Variants in TULP3 observed in about 807,000 individuals in gnomAD.
The protein encoded by TULP3 is TUB like protein 3, also known as tubby-related protein 3.
Under a neutral mutation model 50.7 loss-of-function variants are expected in TULP3, and 38 were observed. That is an observed-to-expected ratio of 0.75 (90% CI 0.58 to 0.98). The LOEUF is 0.98. TULP3 is among the 50% of genes least tolerant of loss of function. The pLI is 0.00. For synonymous variants in TULP3, 183 were observed against 196.6 expected (o/e 0.93, Z 0.58); for missense variants, 550 against 568.0 (o/e 0.97, Z 0.32).
intron 1 of TULP3, among the ~76,000 whole-genome samples, chr12:2,895,035 C>T (rs529768483): frequency 6.6e-6 from 1 of 152,286 alleles, no homozygotes; most frequent in South Asian, 2.1e-4. Flanking sequence ...CTGTTTGAAT[C>T]TACAAGTAAT....
chr12:2,922,461 C>T, intron 4 of TULP3, 59 bp downstream of exon 4: 4 of 1,570,614 alleles, frequency 2.5e-6, no homozygotes, highest in African/African-American at 1.4e-5. Flanking sequence ...TAATCTTTTC[C>T]TTTCTTTTCA....
intron 4 of TULP3, among the ~76,000 whole-genome samples, chr12:2,924,752 G>A (rs2098193721): frequency 6.6e-6 from 1 of 152,062 alleles, no homozygotes; most frequent in Non-Finnish European, 1.5e-5. Context: ...ACTTTGGGAG[G>A]CTGAGGTGGG....
At chr12:2,921,431 A>G (rs1403805770) in intron 3 of TULP3, among the ~76,000 whole-genome samples, 1 of 152,160 alleles carries the variant, frequency 6.6e-6, no homozygotes, top group Non-Finnish European at 1.5e-5. Context: ...TTGAGCCACC[A>G]TGCCCGGCAA....
chr12:2,940,767 C>G lies in TULP3; in HGVS notation c.*1323C>G, dbSNP rs760018494. The G allele has an allele frequency of 4.7e-6, 7 of 1,502,236 alleles. No individual in the cohort carries two copies. The highest frequency in any genetic ancestry group is 1.4e-5 in the African/African-American group (1 of 72,106). The allele number at this position is 1,502,236 out of a possible 1,614,324, so 93.1% of individuals were successfully genotyped here. A position where few individuals can be genotyped will look rare whatever the true frequency, so the allele number is the denominator to read the frequency against. ...CAGCTGCGGGACCCTTGGCTTGTCC[C>G]CCACCGACAAGTCCCACCTGCTGGG... On this transcript the variant is annotated 3_prime_UTR_variant, in exon 11 of 11. Coordinates refer to ENST00000448120, the MANE Select transcript of TULP3 (RefSeq NM_003324.5).
At chr12:2,904,069 A>C (rs2098180843) in intron 1 of TULP3, among the ~76,000 whole-genome samples, 1 of 152,184 alleles carries the variant, frequency 6.6e-6, no homozygotes, top group South Asian at 2.1e-4. Flanking sequence ...AGCGTGAGCC[A>C]CCGTGCCTGG....
intron 2 of TULP3, among the ~76,000 whole-genome samples, chr12:2,912,485 G>A (rs2098186225): frequency 6.6e-6 from 1 of 152,196 alleles, no homozygotes. Context: ...AGGTGGCAGA[G>A]GCTGGGGAAG....
In TULP3 at chr12:2,922,370, A is replaced by G; in HGVS notation, c.362A>G (p.Lys121Arg). 1 of 1,614,090 alleles carries G rather than the reference A, an allele frequency of 6.2e-7. No individual in the cohort carries two copies. The highest frequency in any genetic ancestry group is 8.5e-7 in the Non-Finnish European group (1 of 1,180,032). The change falls in exon 4 of 11, where the codon AAG becomes AGG. Residue 121 changes from lysine (K) to arginine (R), a missense_variant. Physicochemically the swap from Lys to Arg is conservative, Grantham distance 26. Coordinates refer to ENST00000448120, the MANE Select transcript of TULP3 (RefSeq NM_003324.5). ...GAAAACACCGTGGATACTGCTTCCAAGCCAGGACTTCAGGAGCGTCTCCAA... is the reference window on the plus strand; with the variant it reads ...GAAAACACCGTGGATACTGCTTCCAGGCCAGGACTTCAGGAGCGTCTCCAA... ...DAENTVDTASKPGLQERLQKH... is the reference protein window; with the variant it reads ...DAENTVDTASRPGLQERLQKH...
chr12:2,903,718 AATATT>A (rs1326213625), intron 1 of TULP3, among the ~76,000 whole-genome samples: 1 of 152,166 alleles, frequency 6.6e-6, no homozygotes. Context: ...AATTTGCAAA[AATATT>A]AGAGAATCCC....
In TULP3 at chr12:2,940,895, C is replaced by T. The variant is rs2098204456; in HGVS notation, c.*1451C>T. ...CCTCGTCACCACCACCACCCCCCAC[C>T]CCATCCTGAGGCACTGCCTGGCAGA... On this transcript the variant is annotated 3_prime_UTR_variant, in exon 11 of 11. Coordinates refer to ENST00000448120, the MANE Select transcript of TULP3 (RefSeq NM_003324.5). 4.8e-6 allele frequency: 3 copies of T among 629,116 alleles called. No homozygotes were observed. Among genetic ancestry groups the T allele is most frequent in the Middle Eastern group, 2.8e-4 (1 of 3,532 alleles). The allele number at this position is 629,116 out of a possible 1,614,324, so 39.0% of individuals were successfully genotyped here.
In TULP3 at chr12:2,897,201, G is replaced by C. The variant is rs1387016631; in HGVS notation, c.41+6213G>C. On this transcript the variant is annotated intron_variant, in intron 1 of 10. Transcript: ENST00000448120. ...ATTTTTGTATTTTTAGTAGGGACAGGATTTCACCATGTTGGCCAGGCTGGT... is the reference window on the plus strand; with the variant it reads ...ATTTTTGTATTTTTAGTAGGGACAGCATTTCACCATGTTGGCCAGGCTGGT... Among the ~76,000 whole-genome samples the C allele has an allele frequency of 2.6e-5, 4 of 152,018 alleles. No individual in the cohort carries two copies. In the East Asian group the frequency reaches 7.8e-4, roughly 30 times the overall value.
chr12:2,918,680 C>T (rs2153949435), intron 2 of TULP3, among the ~76,000 whole-genome samples: 1 of 151,860 alleles, frequency 6.6e-6, no homozygotes, highest in East Asian at 2.0e-4. Flanking sequence ...GCTGGGATTA[C>T]AGGCATGCGC....
chr12:2,923,511 A>G (rs1232569876), intron 4 of TULP3, among the ~76,000 whole-genome samples: 1 of 151,988 alleles, frequency 6.6e-6, no homozygotes, highest in East Asian at 1.9e-4. Flanking sequence ...GTAGCCAAGC[A>G]TGGTGGTGGG....
intron 1 of TULP3, among the ~76,000 whole-genome samples, chr12:2,906,685 G>A (rs1185715375): frequency 6.6e-6 from 1 of 151,444 alleles, no homozygotes; most frequent in Non-Finnish European, 1.5e-5. Flanking sequence ...GGAGGCCGAG[G>A]TGGGTGGATC....
chr12:2,934,450 C>A lies in TULP3; in HGVS notation c.813C>A (p.Ser271=). ...TGACTTTTTCTCCTGACTCCAGATC[C>A]AACCTCATGGGGACCAAGTTTACAG... ...EGESYVGKLR[S]NLMGTKFTVY... Residue 271 remains serine (S), a synonymous_variant, in exon 8 of 11, where the codon TCC becomes TCA. Coordinates refer to ENST00000448120, the MANE Select transcript of TULP3 (RefSeq NM_003324.5). The A allele has an allele frequency of 6.4e-7, 1 of 1,573,802 alleles. No individual in the cohort carries two copies. The highest frequency in any genetic ancestry group is 1.9e-5 in the Admixed American group (1 of 52,902).
chr12:2,928,491 T>G (rs2098195925), intron 4 of TULP3, among the ~76,000 whole-genome samples: 1 of 151,054 alleles, frequency 6.6e-6, no homozygotes, highest in African/African-American at 2.4e-5. Context: ...GATTGCACCA[T>G]TGCACTCCAC....
chr12:2,910,550 A>G (rs114892762), intron 2 of TULP3, among the ~76,000 whole-genome samples: 1,771 of 152,292 alleles, frequency 0.012, 37 homozygotes, highest in African/African-American at 0.04. Context: ...CCCAACATAC[A>G]TTGCATTTAT....
intron 3 of TULP3, 76 bp from the exon 4 acceptor site, chr12:2,922,186 C>A (rs879040457): frequency 2.0e-6 from 3 of 1,516,188 alleles, no homozygotes; most frequent in South Asian, 2.6e-5. Context: ...TAATTCTGAT[C>A]ACATATGCCA....
intron 8 of TULP3, among the ~76,000 whole-genome samples, chr12:2,935,964 G>A (rs1212208263): frequency 2.7e-5 from 4 of 149,674 alleles, no homozygotes; most frequent in African/African-American, 7.4e-5. Context: ...ATGAGACCCT[G>A]TTTAAAAAAT....
chr12:2,937,627 C>G lies in TULP3; in HGVS notation c.925-4C>G, dbSNP rs367595396. The G allele has an allele frequency of 1.2e-5, 20 of 1,604,086 alleles. No homozygotes were observed. In the African/African-American group the frequency reaches 2.7e-4, roughly 21 times the overall value. ...AAGTTCTGCTTTGTTTTCCTATCTT[C>G]CAGGAAACAAACGTACTTGGATTTA... is the stretch of plus-strand genomic sequence containing the variant. On this transcript the variant is annotated splice_region_variant and splice_polypyrimidine_tract_variant and intron_variant, in intron 8 of 10. Transcript: ENST00000448120.
Sources: gnomAD v4.1 joint callset for allele counts (sites outside exome capture counted in the v4.1 genomes callset) on GRCh38, gnomAD v4.1.1 for gene constraint, MANE v1.5 for transcripts, NCBI Gene and HGNC (gene_info 2026-07-23, HGNC 2026-07-21) for gene names.